Variants in FSCN2 observed in about 807,000 individuals in gnomAD.
The protein encoded by FSCN2 is fascin actin-bundling protein 2, retinal, also known as fascin-2.
Under a neutral mutation model 37.8 loss-of-function variants are expected in FSCN2, and 46 were observed. That is an observed-to-expected ratio of 1.22 (90% CI 0.96 to 1.56). The LOEUF is 1.56. Ranked by LOEUF, FSCN2 falls within the 40% of genes most tolerant of loss-of-function variation. The pLI is 0.00. For missense variants in FSCN2, 844 were observed against 730.4 expected (o/e 1.16, Z -1.79); for synonymous variants, 351 against 309.4 (o/e 1.13, Z -1.41).
the FSCN2 span, among the ~76,000 whole-genome samples, chr17:81,517,771 C>G: frequency 7.4e-6 from 1 of 136,006 alleles, no homozygotes; most frequent in Admixed American, 7.4e-5. Flanking sequence ...CCCCCCCCCC[C>G]TCCAGTCCCA....
At chr17:81,532,138 T>C (rs1000501599) in intron 1 of FSCN2, among the ~76,000 whole-genome samples, 23 of 149,038 alleles carry the variant, frequency 1.5e-4, no homozygotes, top group African/African-American at 5.5e-4. Flanking sequence ...ATAGTGATGG[T>C]GATGATGGTG....
chr17:81,536,478 G>A, intron 3 of FSCN2, 144 bp from the exon 4 acceptor site: 1 of 1,523,658 alleles, frequency 6.6e-7, no homozygotes, highest in Non-Finnish European at 8.8e-7. Context: ...GAACCCCCTA[G>A]GCGCCTTGCC....
chr17:81,518,736 G>A, the FSCN2 span, among the ~76,000 whole-genome samples: 1 of 152,204 alleles, frequency 6.6e-6, no homozygotes, highest in African/African-American at 2.4e-5. Flanking sequence ...CTCCTGCTCT[G>A]GCCAGCAGCT....
Position 81,529,024 on chromosome 17 carries a change from G to A in FSCN2, c.493G>A (p.Gly165Arg), listed in dbSNP as rs112994063. The change falls in exon 1 of 5, where the codon GGA becomes AGA. Residue 165 changes from glycine (G) to arginine (R), a missense_variant. Transcript: ENST00000417245. ...CPREDEMAADGDKPWGVDALL... is the reference protein window; with the variant it reads ...CPREDEMAADRDKPWGVDALL... ...GCGGGAGGACGAGATGGCCGCAGAC[G>A]GAGACAAGCCCTGGGGCGTGGACGC... The A allele has an allele frequency of 7.9e-5, 125 of 1,587,252 alleles. No homozygotes were observed. Among genetic ancestry groups the A allele is most frequent in the Non-Finnish European group, 9.4e-5 (110 of 1,171,064 alleles).
At chr17:81,519,605 C>G in the FSCN2 span, among the ~76,000 whole-genome samples, 1 of 152,220 alleles carries the variant, frequency 6.6e-6, no homozygotes, top group Non-Finnish European at 1.5e-5. Flanking sequence ...GAGGGACCCC[C>G]GCTCCTCCCT....
rs2032434617 is a variant in FSCN2 at position 81,528,727 on chromosome 17, G to GGCCGCTACCTGT, written c.197_208dup (p.Leu69_Ser70insCysArgTyrLeu). On this transcript the variant is annotated inframe_insertion, in exon 1 of 5. Transcript: ENST00000417245. ...TGTGCTGCTCCGCAGCAGCCACCTGGGCCGCTACCTGTCGGCAGAAGAGGA... is the reference window on the plus strand; with the variant it reads ...TGTGCTGCTCCGCAGCAGCCACCTGGGCCGCTACCTGTGCCGCTACCTGTCGGCAGAAGAGGA... 6.3e-7 allele frequency: 1 copy of GGCCGCTACCTGT among 1,596,418 alleles called. No individual in the cohort carries two copies.
the FSCN2 span, among the ~76,000 whole-genome samples, chr17:81,519,517 C>T: frequency 2.6e-5 from 4 of 152,176 alleles, no homozygotes; most frequent in Admixed American, 6.5e-5. Flanking sequence ...CCCACCTGGG[C>T]CGCCAGGTGG....
chr17:81,529,827 T>C (rs1255302396), intron 1 of FSCN2, among the ~76,000 whole-genome samples: 1 of 152,240 alleles, frequency 6.6e-6, no homozygotes, highest in Admixed American at 6.5e-5. Context: ...ATTTATTTTT[T>C]GAGACAGAGT....
intron 1 of FSCN2, among the ~76,000 whole-genome samples, chr17:81,532,516 CGATGGTGAT>C (rs2032721045): frequency 8.4e-5 from 2 of 23,940 alleles, no homozygotes; most frequent in African/African-American, 1.5e-4. Context: ...ATAATGGTGA[CGATGGTGAT>C]GATGATGATA....
chr17:81,527,702 C>G (rs1283446781), upstream of FSCN2: 1 of 152,194 alleles, frequency 6.6e-6, no homozygotes, highest in Non-Finnish European at 1.5e-5. Flanking sequence ...GCCTCAGGGC[C>G]CAGCAACTTG....
chr17:81,531,828 G>GTGATGGTGA (rs2032641121), intron 1 of FSCN2, among the ~76,000 whole-genome samples: 1 of 109,766 alleles, frequency 9.1e-6, no homozygotes, highest in East Asian at 2.9e-4. Flanking sequence ...GGTGATGGTG[G>GTGATGGTGA]TGGTGGTGAT....
At position 81,536,651 on chromosome 17, in the gene FSCN2, A is replaced by G; in HGVS notation, c.1135A>G (p.Ile379Val). 6.2e-7 allele frequency: 1 copy of G among 1,610,186 alleles called. No individual in the cohort carries two copies. The highest frequency in any genetic ancestry group is 8.5e-7 in the Non-Finnish European group (1 of 1,178,914). The change falls in exon 4 of 5, where the codon ATC becomes GTC. Residue 379 changes from isoleucine (I) to valine (V), a missense_variant. Ile to Val is a conservative substitution (Grantham distance 29). Transcript: ENST00000417245. Reference protein sequence around the residue: ...GKDEEFTLKLINRPILVLRGL... With the variant: ...GKDEEFTLKLVNRPILVLRGL... ...GGACGAAGAGTTCACCCTCAAGCTC[A>G]TCAACCGGCCCATCCTGGTGCTGCG...
At chr17:81,518,716 C>G in the FSCN2 span, among the ~76,000 whole-genome samples, 3 of 152,180 alleles carry the variant, frequency 2.0e-5, no homozygotes, top group African/African-American at 7.2e-5. Context: ...CTGTTTAACC[C>G]GTCCCGCCCC....
chr17:81,531,802 T>C (rs2032637883), intron 1 of FSCN2, among the ~76,000 whole-genome samples: 1 of 140,448 alleles, frequency 7.1e-6, no homozygotes, highest in Non-Finnish European at 1.5e-5. Flanking sequence ...ATGATGATAA[T>C]GGTGATGATG....
In FSCN2 at chr17:81,528,419, G is replaced by A; in HGVS notation, c.-113G>A. 4 of 770,630 alleles carry A rather than the reference G, an allele frequency of 5.2e-6. No individual in the cohort carries two copies. The highest frequency in any genetic ancestry group is 8.4e-6 in the Non-Finnish European group (4 of 475,230). 47.7% of individuals were successfully genotyped at this position (770,630 alleles called of 1,614,324 possible). On this transcript the variant is annotated 5_prime_UTR_variant, in exon 1 of 5. Coordinates refer to ENST00000417245, the MANE Select transcript of FSCN2 (RefSeq NM_012418.4). The stretch of plus-strand genomic sequence containing the variant: ...GGCAGGGGGTTCGTGACGCCGGCTG[G>A]GTCTGGGGGCTGTGGGCCAGCCGAG...
chr17:81,532,413 ATGATGGTGATGGTGATGATAATGG>A (rs2032709895), intron 1 of FSCN2, among the ~76,000 whole-genome samples: 3 of 132,566 alleles, frequency 2.3e-5, no homozygotes, highest in African/African-American at 6.2e-5. Flanking sequence ...AGTGATGGTG[ATGATGGTGATGGTGATGATAATGG>A]TGATGATGAT....
upstream of FSCN2, among the ~76,000 whole-genome samples, chr17:81,524,796 C>G (rs1220659369): frequency 6.6e-6 from 1 of 152,058 alleles, no homozygotes; most frequent in African/African-American, 2.4e-5. Context: ...TGAGTAGGCT[C>G]TCAGGCTGGG....
At chr17:81,522,990 C>T in the FSCN2 span, among the ~76,000 whole-genome samples, 1 of 152,204 alleles carries the variant, frequency 6.6e-6, no homozygotes, top group Admixed American at 6.5e-5. Flanking sequence ...CCTCGGGGTC[C>T]CTTTGGGGAC....
At chr17:81,531,553 CGAT>C (rs1481763836) in intron 1 of FSCN2, among the ~76,000 whole-genome samples, 8 of 13,596 alleles carry the variant, frequency 5.9e-4, no homozygotes, top group African/African-American at 2.5e-3. Context: ...ATGGTGATGG[CGAT>C]GATGGTGATG....
Sources: gnomAD v4.1 joint callset for allele counts (sites outside exome capture counted in the v4.1 genomes callset) on GRCh38, gnomAD v4.1.1 for gene constraint, MANE v1.5 for transcripts, NCBI Gene and HGNC (gene_info 2026-07-23, HGNC 2026-07-21) for gene names.